Variants in BBOX1 observed in about 807,000 individuals in gnomAD.
The protein encoded by BBOX1 is gamma-butyrobetaine dioxygenase.
In BBOX1, 35 loss-of-function variants were observed where a neutral mutation model predicts 41.6. The observed-to-expected ratio is 0.84, with a 90% CI of 0.64 to 1.11. The LOEUF (loss-of-function observed/expected upper bound fraction) is 1.11, where lower values mean the gene tolerates loss of function less well. BBOX1 is among the 50% of genes most tolerant of loss of function. The pLI is 0.00. For synonymous variants in BBOX1, 163 were observed against 154.7 expected (o/e 1.05, Z -0.40); for missense variants, 458 against 460.6 (o/e 0.99, Z 0.05).
intron 4 of BBOX1, among the ~76,000 whole-genome samples, chr11:27,074,401 G>A (rs1203502274): frequency 6.6e-6 from 1 of 152,014 alleles, no homozygotes; most frequent in Admixed American, 6.6e-5. Flanking sequence ...GAGAAGACAG[G>A]AAGATGTGGG....
chr11:27,084,484 C>T (rs1165260346), intron 4 of BBOX1, among the ~76,000 whole-genome samples: 2 of 152,034 alleles, frequency 1.3e-5, no homozygotes, highest in Non-Finnish European at 2.9e-5. Context: ...CCATAGTGCA[C>T]GAGAAGAAAA....
At chr11:27,094,097 A>T (rs1427420196) in intron 5 of BBOX1, among the ~76,000 whole-genome samples, 1 of 151,984 alleles carries the variant, frequency 6.6e-6, no homozygotes, top group East Asian at 1.9e-4. Flanking sequence ...AAAAGATAAA[A>T]CTAACATTCA....
At chr11:27,053,405 A>C (rs969736536) in intron 2 of BBOX1, among the ~76,000 whole-genome samples, 4 of 152,234 alleles carry the variant, frequency 2.6e-5, no homozygotes, top group Non-Finnish European at 4.4e-5. Context: ...CCATGAACTA[A>C]GAATAGTTGA....
At chr11:27,043,595 C>T (rs1334502655) in intron 2 of BBOX1, among the ~76,000 whole-genome samples, 12 of 152,066 alleles carry the variant, frequency 7.9e-5, no homozygotes, top group Non-Finnish European at 1.5e-4. Flanking sequence ...CCTCCCCTAG[C>T]CCCCTACCCC....
chr11:27,044,492 T>C (rs893645851), intron 2 of BBOX1, among the ~76,000 whole-genome samples: 4 of 152,160 alleles, frequency 2.6e-5, no homozygotes, highest in Non-Finnish European at 5.9e-5. Flanking sequence ...GGTGTTTTAG[T>C]CATGAAGTCT....
At chr11:27,085,394 C>T (rs1423087344) in intron 4 of BBOX1, among the ~76,000 whole-genome samples, 3 of 152,112 alleles carry the variant, frequency 2.0e-5, no homozygotes, top group African/African-American at 7.2e-5. Flanking sequence ...GTATCTCAAA[C>T]TGTTTAATTA....
rs1321834588 is a variant in BBOX1 at position 27,040,858 on chromosome 11, G to T, written c.-472G>T. 1 of 152,208 alleles carries T rather than the reference G, an allele frequency of 6.6e-6. No individual in the cohort carries two copies. Among genetic ancestry groups the T allele is most frequent in the Non-Finnish European group, 1.5e-5 (1 of 68,082 alleles). The allele number at this position is 152,208 out of a possible 1,614,324, so 9.4% of individuals were successfully genotyped here. A position where few individuals can be genotyped will look rare whatever the true frequency, so the allele number is the denominator to read the frequency against. On this transcript the variant is annotated 5_prime_UTR_variant, in exon 1 of 9. Transcript: ENST00000263182. Reference sequence around the variant, plus strand: ...GACAAGTAGATACCACTTCACCTCTGCTAGGGTGAGCGCTGGTAGCTCCTC... The same window carrying T: ...GACAAGTAGATACCACTTCACCTCTTCTAGGGTGAGCGCTGGTAGCTCCTC...
At chr11:27,056,941 C>T (rs899031459) in intron 3 of BBOX1, among the ~76,000 whole-genome samples, 2 of 151,314 alleles carry the variant, frequency 1.3e-5, no homozygotes, top group African/African-American at 4.8e-5. Flanking sequence ...TGTCGCGTGC[C>T]TGTAATCCCA....
chr11:27,048,107 G>A (rs1005869593), intron 2 of BBOX1, among the ~76,000 whole-genome samples: 4 of 151,736 alleles, frequency 2.6e-5, no homozygotes, highest in Non-Finnish European at 5.9e-5. Context: ...ATCATTGTAT[G>A]TTGGGGGGGT....
intron 2 of BBOX1, among the ~76,000 whole-genome samples, chr11:27,055,042 T>C (rs1156636824): frequency 1.3e-5 from 2 of 152,190 alleles, no homozygotes; most frequent in African/African-American, 4.8e-5. Flanking sequence ...TGTGGAACAT[T>C]TTTCTTCCTT....
intron 4 of BBOX1, among the ~76,000 whole-genome samples, chr11:27,091,001 G>C (rs1001852845): frequency 6.6e-6 from 1 of 151,840 alleles, no homozygotes; most frequent in African/African-American, 2.4e-5. Flanking sequence ...AATTTATACA[G>C]TTAACACAAT....
At chr11:27,081,980 C>T (rs1857855296) in intron 4 of BBOX1, among the ~76,000 whole-genome samples, 2 of 151,992 alleles carry the variant, frequency 1.3e-5, no homozygotes, top group South Asian at 2.1e-4. Context: ...GGATAGATTG[C>T]AAAAATTTTC....
At chr11:27,056,439 G>A (rs982306826) in intron 3 of BBOX1, among the ~76,000 whole-genome samples, 1 of 152,084 alleles carries the variant, frequency 6.6e-6, no homozygotes, top group South Asian at 2.1e-4. Context: ...TGTATTTTTA[G>A]TAAAGACGGG....
intron 5 of BBOX1, among the ~76,000 whole-genome samples, chr11:27,113,808 T>TA (rs574427704): frequency 0.19 from 24,958 of 134,102 alleles, 2,288 homozygotes; most frequent in Middle Eastern, 0.24. Context: ...AACCTAAAAG[T>TA]AAAAAAAAAA....
At chr11:27,067,747 C>T (rs902730986) in intron 4 of BBOX1, among the ~76,000 whole-genome samples, 3 of 151,720 alleles carry the variant, frequency 2.0e-5, no homozygotes, top group East Asian at 3.9e-4. Context: ...TACGACAGAG[C>T]GAGACTCCAT....
chr11:27,078,873 T>G (rs1396866978), intron 4 of BBOX1, among the ~76,000 whole-genome samples: 1 of 152,132 alleles, frequency 6.6e-6, no homozygotes, highest in Non-Finnish European at 1.5e-5. Flanking sequence ...TTTTTCCATA[T>G]TTAAAAGAGG....
chr11:27,124,581 G>T (rs562413253), intron 7 of BBOX1, among the ~76,000 whole-genome samples: 1 of 152,086 alleles, frequency 6.6e-6, no homozygotes, highest in African/African-American at 2.4e-5. Flanking sequence ...GTCGTGGTGC[G>T]ATCTCCGCTC....
chr11:27,123,475 C>T (rs568308929), intron 7 of BBOX1, among the ~76,000 whole-genome samples: 2 of 151,806 alleles, frequency 1.3e-5, no homozygotes, highest in African/African-American at 4.8e-5. Context: ...AAACAGACGA[C>T]CCCCCCAGAA....
At chr11:27,094,969 T>A (rs1022145143) in intron 5 of BBOX1, among the ~76,000 whole-genome samples, 8 of 151,898 alleles carry the variant, frequency 5.3e-5, no homozygotes, top group Non-Finnish European at 7.4e-5. Context: ...TTCATTTAAT[T>A]GTCACAACAA....
Sources: gnomAD v4.1 joint callset for allele counts (sites outside exome capture counted in the v4.1 genomes callset) on GRCh38, gnomAD v4.1.1 for gene constraint, MANE v1.5 for transcripts, NCBI Gene and HGNC (gene_info 2026-07-23, HGNC 2026-07-21) for gene names.